The following TTC7B variants were observed in gnomAD, a reference collection of about 807,000 sequenced individuals.
The protein encoded by TTC7B is tetratricopeptide repeat protein 7B.
TTC7B carries 28 observed loss-of-function variants against 106.8 expected under a neutral mutation model. The observed-to-expected ratio is 0.26, with a 90% confidence interval of 0.19 to 0.36. TTC7B has a LOEUF of 0.36. Among genes scored for constraint, TTC7B ranks in the 10% least tolerant of loss-of-function variants. The probability of loss-of-function intolerance (pLI) is 1.00; values close to 1 mark genes in which losing one functional copy is unlikely to be tolerated. For synonymous variants in TTC7B, 405 were observed against 430.6 expected (o/e 0.94, Z 0.74); for missense variants, 862 against 1,076.4 (o/e 0.80, Z 2.79).
rs762120264 is a variant in TTC7B at position 90,676,638 on chromosome 14, C to G, written c.1037G>C (p.Ser346Thr). 6.2e-7 allele frequency: 1 copy of G among 1,614,090 alleles called. No homozygotes were observed. The highest frequency in any genetic ancestry group is 1.1e-5 in the South Asian group (1 of 91,084). ...GTCACTCTTGTGTTCAGGTATCCTG[C>G]TCAGCACAGCGTCCCGGTTGGCCTG... ...ESMANRDAVLSRIPEHKSDRL... is the reference protein window; with the variant it reads ...ESMANRDAVLTRIPEHKSDRL... Residue 346 changes from serine (S) to threonine (T), a missense_variant, in exon 9 of 20, where the codon AGC becomes ACC. Physicochemically the swap from Ser to Thr is moderately conservative, Grantham distance 58. Coordinates refer to ENST00000328459, the MANE Select transcript of TTC7B (RefSeq NM_001010854.2).
At chr14:90,544,578 C>A (rs961738186) in intron 19 of TTC7B, among the ~76,000 whole-genome samples, 14 of 152,214 alleles carry the variant, frequency 9.2e-5, no homozygotes, top group African/African-American at 3.4e-4. Context: ...GCCAGCAGAA[C>A]AAATGGTAGG....
intron 16 of TTC7B, among the ~76,000 whole-genome samples, chr14:90,615,150 T>C (rs878918279): frequency 6.6e-6 from 1 of 152,270 alleles, no homozygotes; most frequent in South Asian, 2.1e-4. Context: ...AGTTTTCCAA[T>C]GCTCAGTTTA....
chr14:90,592,728 G>C (rs1249299000), intron 18 of TTC7B, among the ~76,000 whole-genome samples: 1 of 151,838 alleles, frequency 6.6e-6, no homozygotes, highest in African/African-American at 2.4e-5. Flanking sequence ...AAAAAGCCTG[G>C]ACACTGCATT....
chr14:90,766,697 C>T (rs1454210100), intron 3 of TTC7B: 15 of 1,432,582 alleles, frequency 1.0e-5, no homozygotes, highest in East Asian at 2.3e-5. Flanking sequence ...ACCAAGAGGG[C>T]GGGAGAACTC....
intron 9 of TTC7B, among the ~76,000 whole-genome samples, chr14:90,672,889 T>C (rs1886685305): frequency 6.6e-6 from 1 of 152,168 alleles, no homozygotes; most frequent in Non-Finnish European, 1.5e-5. Flanking sequence ...CTGTTCTGAG[T>C]ACTTTACATG....
chr14:90,745,019 T>C (rs1889908819), intron 3 of TTC7B, 97 bp from the exon 4 acceptor site: 1 of 1,211,566 alleles, frequency 8.3e-7, no homozygotes, highest in African/African-American at 1.5e-5. Context: ...GGCTGTAGAA[T>C]ATCATGTTGT....
In TTC7B at chr14:90,816,162, G is replaced by A; in HGVS notation, c.121+13C>T. Reference sequence around the variant, plus strand: ...CGCCCCCCGCAGCCCAGGCCGGCGCGCCCGGAGCGTACCGTTGGCGATGAG... The same window carrying A: ...CGCCCCCCGCAGCCCAGGCCGGCGCACCCGGAGCGTACCGTTGGCGATGAG... On this transcript the variant is annotated intron_variant, in intron 1 of 19. Coordinates refer to ENST00000328459, the MANE Select transcript of TTC7B (RefSeq NM_001010854.2). 1.6e-6 allele frequency: 2 copies of A among 1,225,038 alleles called. No homozygotes were observed. The highest frequency in any genetic ancestry group is 2.4e-5 in the Admixed American group (1 of 41,096). 75.9% of individuals were successfully genotyped at this position (1,225,038 alleles called of 1,614,324 possible).
intron 12 of TTC7B, among the ~76,000 whole-genome samples, chr14:90,653,432 C>T (rs967904443): frequency 2.0e-5 from 3 of 152,170 alleles, no homozygotes; most frequent in African/African-American, 7.2e-5. Flanking sequence ...CCTTTAACAC[C>T]TTCATGTGAA....
intron 6 of TTC7B, among the ~76,000 whole-genome samples, chr14:90,693,778 C>T (rs1281909767): frequency 1.3e-5 from 2 of 152,166 alleles, no homozygotes; most frequent in Admixed American, 6.5e-5. Context: ...TATGGTACAG[C>T]TGCTTTGGAA....
At position 90,578,925 on chromosome 14, in the gene TTC7B, T is replaced by C. The variant is rs764561463; in HGVS notation, c.2108-617A>G. Reference sequence around the variant, plus strand: ...TCTGTGTCACAGTGACAAAGCCCTTTGACAAGCCAAGCTATCGCTTTTAAA... The same window carrying C: ...TCTGTGTCACAGTGACAAAGCCCTTCGACAAGCCAAGCTATCGCTTTTAAA... On this transcript the variant is annotated intron_variant, in intron 18 of 19. Coordinates refer to ENST00000328459, the MANE Select transcript of TTC7B (RefSeq NM_001010854.2). This position sits in a 1 kb window ranked among gnomAD's most constrained non-coding sequence, Gnocchi z 4.7. Among the ~76,000 whole-genome samples the C allele has an allele frequency of 1.3e-5, 2 of 152,182 alleles. No homozygotes were observed. The highest frequency in any genetic ancestry group is 2.9e-5 in the Non-Finnish European group (2 of 68,034).
intron 19 of TTC7B, among the ~76,000 whole-genome samples, chr14:90,566,973 G>A (rs1452987563): frequency 1.3e-5 from 2 of 151,940 alleles, no homozygotes; most frequent in Non-Finnish European, 2.9e-5. Context: ...CGCTCTGGGT[G>A]GAGCCTCACA....
chr14:90,589,144 G>A (rs1891847882), intron 18 of TTC7B, among the ~76,000 whole-genome samples: 1 of 152,206 alleles, frequency 6.6e-6, no homozygotes, highest in Non-Finnish European at 1.5e-5. Context: ...TTGTTGACTG[G>A]AATGTAAACT....
intron 6 of TTC7B, among the ~76,000 whole-genome samples, chr14:90,695,097 A>T (rs964766354): frequency 4.8e-5 from 4 of 83,474 alleles, no homozygotes; most frequent in African/African-American, 8.4e-5. Flanking sequence ...TATAAAATAT[A>T]TTTTATTTTA....
intron 9 of TTC7B, among the ~76,000 whole-genome samples, chr14:90,660,149 T>C (rs1227660709): frequency 6.6e-6 from 1 of 151,814 alleles, no homozygotes; most frequent in South Asian, 2.1e-4. Context: ...CTAGGGAGGC[T>C]GAGGCAGGAG....
intron 7 of TTC7B, among the ~76,000 whole-genome samples, chr14:90,687,902 T>C (rs1429485467): frequency 1.3e-5 from 2 of 152,078 alleles, no homozygotes; most frequent in Non-Finnish European, 2.9e-5. Context: ...GAGAGAGAAA[T>C]GCAAGGGTCA....
rs1044028477 is a variant in TTC7B, at chr14:90,657,215, G to A, written c.1300C>T (p.Pro434Ser). Residue 434 changes from proline (P) to serine (S), a missense_variant, in exon 11 of 20, where the codon CCT becomes TCT. By Grantham distance (74) the Pro-to-Ser change is moderately conservative. Coordinates refer to ENST00000328459, the MANE Select transcript of TTC7B (RefSeq NM_001010854.2). This position sits in a 1 kb window ranked among gnomAD's most constrained non-coding sequence, Gnocchi z 4.2. ...ATGCAGAGCTTGGCAGCGAGGAGAG[G>A]GATGGTGGCATCGTCTGGCTTCAGG... ...IRLKPDDATIPLLAAKLCMGS... is the reference protein window; with the variant it reads ...IRLKPDDATISLLAAKLCMGS... 3 of 1,614,134 alleles carry A rather than the reference G, an allele frequency of 1.9e-6. No homozygotes were observed. The highest frequency in any genetic ancestry group is 2.2e-5 in the East Asian group (1 of 44,866).
At chr14:90,606,106 A>C (rs1460218615) in intron 17 of TTC7B, among the ~76,000 whole-genome samples, 1 of 152,210 alleles carries the variant, frequency 6.6e-6, no homozygotes, top group African/African-American at 2.4e-5. Flanking sequence ...TCAACTGGAA[A>C]GGGTTAGGAC....
Position 90,615,059 on chromosome 14 carries a change from G to A in TTC7B, c.1868+2870C>T, listed in dbSNP as rs906826295. On this transcript the variant is annotated intron_variant, in intron 16 of 19. Coordinates refer to ENST00000328459, the MANE Select transcript of TTC7B (RefSeq NM_001010854.2). ...AGGCTTCTGAAATGACAAACACCTC[G>A]CCAAATGTAAGAGAATGCCACCCAC... is the stretch of plus-strand genomic sequence containing the variant. Among the ~76,000 whole-genome samples the A allele has an allele frequency of 9.9e-5, 15 of 152,270 alleles. 2 individuals carry two copies. The Middle Eastern group carries it at 0.01, about 104-fold the overall frequency.
chr14:90,641,673 T>C (rs1327053131), intron 15 of TTC7B, among the ~76,000 whole-genome samples: 1 of 152,218 alleles, frequency 6.6e-6, no homozygotes, highest in East Asian at 1.9e-4. Context: ...GCTTTGCTTT[T>C]TTGAGCTTAC....
Sources: gnomAD v4.1 joint callset for allele counts (sites outside exome capture counted in the v4.1 genomes callset) on GRCh38, gnomAD v4.1.1 for gene constraint, Gnocchi (gnomAD v3.1) non-coding constraint, MANE v1.5 for transcripts, NCBI Gene and HGNC (gene_info 2026-07-23, HGNC 2026-07-21) for gene names.